The following SH2D1B variants were observed in gnomAD, a reference collection of about 807,000 sequenced individuals.
SH2D1B encodes SH2 domain-containing protein 1B.
Under a neutral mutation model 16.3 loss-of-function variants are expected in SH2D1B, and 11 were observed. The observed-to-expected ratio is 0.67, with a 90% CI of 0.42 to 1.11. SH2D1B has a LOEUF of 1.11. Among genes scored for constraint, SH2D1B ranks in the 50% most tolerant of loss-of-function variants. The pLI is 0.00. For missense variants in SH2D1B, 123 were observed against 153.1 expected, an observed-to-expected ratio of 0.80 and a Z score of 1.04; for synonymous variants, 55 against 56.1, an observed-to-expected ratio of 0.98 and a Z score of 0.09.
intron 3 of SH2D1B, among the ~76,000 whole-genome samples, 156 bp from the exon 4 acceptor site, chr1:162,397,471 G>T (rs1648406405): frequency 6.6e-6 from 1 of 152,184 alleles, no homozygotes; most frequent in Non-Finnish European, 1.5e-5. Context: ...GGGTACTACA[G>T]GGAGCCCTCC....
intron 1 of SH2D1B, among the ~76,000 whole-genome samples, chr1:162,406,784 G>A (rs1275702530): frequency 2.0e-5 from 3 of 152,134 alleles, no homozygotes; most frequent in African/African-American, 7.2e-5. Flanking sequence ...AGTAGGTTAG[G>A]GCTCAGGTCT....
rs551827119 is a variant in SH2D1B at position 162,396,163 on chromosome 1, C to A, written c.*1117G>T. The A allele has an allele frequency of 6.6e-6, 1 of 152,262 alleles. No homozygotes were observed. The highest frequency in any genetic ancestry group is 2.4e-5 in the African/African-American group (1 of 41,558). 9.4% of individuals were successfully genotyped at this position (152,262 alleles called of 1,614,324 possible). On this transcript the variant is annotated 3_prime_UTR_variant, in exon 4 of 4. Coordinates refer to ENST00000367929, the MANE Select transcript of SH2D1B (RefSeq NM_053282.5). ...TCATCTGTTCATATTACCTCTAAGT[C>A]GAGAGCTCCTCTCTTTTAAAACTCT...
chr1:162,406,463 T>G (rs758411381), intron 1 of SH2D1B, among the ~76,000 whole-genome samples: 3 of 152,176 alleles, frequency 2.0e-5, no homozygotes, highest in African/African-American at 7.2e-5. Context: ...TCATGTATAA[T>G]GAACCATTTA....
rs1046590726 is a variant in SH2D1B at position 162,410,660 on chromosome 1, T to A, written c.134+1223A>T. On this transcript the variant is annotated intron_variant, in intron 1 of 3. Coordinates refer to ENST00000367929, the MANE Select transcript of SH2D1B (RefSeq NM_053282.5). ...CTGGAATTTGTTTTTCTTTTTCTTT[T>A]TTTTTTTTTTTTTGAGATGGAGTTT... 1.3e-4 allele frequency among the ~76,000 whole-genome samples: 20 copies of A among 149,768 alleles called. No homozygotes were observed. In the South Asian group the frequency reaches 2.5e-3, roughly 19 times the overall value.
chr1:162,412,128 T>G lies in SH2D1B; in HGVS notation c.-112A>C. The G allele has an allele frequency of 7.2e-7, 1 of 1,385,692 alleles. No homozygotes were observed. Among genetic ancestry groups the G allele is most frequent in the Non-Finnish European group, 1.0e-6 (1 of 1,000,358 alleles). The allele number at this position is 1,385,692 out of a possible 1,614,324, so 85.8% of individuals were successfully genotyped here. On this transcript the variant is annotated 5_prime_UTR_variant, in exon 1 of 4. Transcript: ENST00000367929. Reference sequence around the variant, plus strand: ...CAGCTGTACCTCCTGTGGAGCTACCTCTTCCTCTAGCGGTCTGTGGGACTC... The same window carrying G: ...CAGCTGTACCTCCTGTGGAGCTACCGCTTCCTCTAGCGGTCTGTGGGACTC...
chr1:162,402,674 CAT>C, intron 2 of SH2D1B, 63 bp downstream of exon 2: 1 of 1,353,858 alleles, frequency 7.4e-7, no homozygotes, highest in Admixed American at 1.7e-5. Flanking sequence ...AGGTAAAAGA[CAT>C]GTTCCCAGGT....
rs1648393904 is a variant in SH2D1B, at chr1:162,396,966, C to T, written c.*314G>A. 3 of 336,808 alleles carry T rather than the reference C, an allele frequency of 8.9e-6. No individual in the cohort carries two copies. Among genetic ancestry groups the T allele is most frequent in the Admixed American group, 4.1e-5 (1 of 24,256 alleles). The allele number at this position is 336,808 out of a possible 1,614,324, so 20.9% of individuals were successfully genotyped here. On this transcript the variant is annotated 3_prime_UTR_variant, in exon 4 of 4. Coordinates refer to ENST00000367929, the MANE Select transcript of SH2D1B (RefSeq NM_053282.5). The stretch of plus-strand genomic sequence containing the variant: ...AAAGCTGCCCCTCTGACTGCATGGT[C>T]CAAAGGAGGGTGTCAACCATGATGT...
intron 3 of SH2D1B, 30 bp downstream of exon 3, chr1:162,398,893 G>C (rs1404573927): frequency 6.3e-7 from 1 of 1,596,638 alleles, no homozygotes; most frequent in Non-Finnish European, 8.6e-7. Flanking sequence ...GATTAAGATT[G>C]CTTTCTGACC....
intron 1 of SH2D1B, among the ~76,000 whole-genome samples, chr1:162,408,900 G>A (rs561077817): frequency 6.6e-5 from 10 of 152,108 alleles, no homozygotes; most frequent in African/African-American, 2.2e-4. Context: ...TGGAGCCCAG[G>A]AGCTCGAAAT....
At chr1:162,402,477 C>T (rs183607256) in intron 2 of SH2D1B, 15 of 270,766 alleles carry the variant, frequency 5.5e-5, no homozygotes, top group Middle Eastern at 9.8e-4. Context: ...GAGATCGCAC[C>T]ACTGCACTCC....
intron 2 of SH2D1B, among the ~76,000 whole-genome samples, chr1:162,400,062 T>C (rs563326214): frequency 1.1e-3 from 161 of 152,352 alleles, no homozygotes; most frequent in African/African-American, 3.8e-3. Context: ...ATTTATCCAG[T>C]CTATCACTGA....
chr1:162,402,372 G>T (rs12093736), intron 2 of SH2D1B: 3,912 of 162,946 alleles, frequency 0.024, 172 homozygotes, highest in African/African-American at 0.087. Context: ...TTAGCTGGGG[G>T]TGGTGGCGCG....
At chr1:162,409,117 AAAAAG>A (rs910070724) in intron 1 of SH2D1B, among the ~76,000 whole-genome samples, 3 of 151,758 alleles carry the variant, frequency 2.0e-5, no homozygotes, top group Admixed American at 6.5e-5. Context: ...TAAAAAAAAA[AAAAAG>A]AAAGAAAGGA....
chr1:162,403,701 T>TACACACACACAC (rs57093863), intron 1 of SH2D1B, among the ~76,000 whole-genome samples: 1 of 132,262 alleles, frequency 7.6e-6, no homozygotes, highest in African/African-American at 3.0e-5. Flanking sequence ...TGAAGAAAGT[T>TACACACACACAC]ACACACACAC....
chr1:162,410,662 T>A (rs572100367), intron 1 of SH2D1B, among the ~76,000 whole-genome samples: 1 of 150,362 alleles, frequency 6.7e-6, no homozygotes, highest in Non-Finnish European at 1.5e-5. Flanking sequence ...TTTTCTTTTT[T>A]TTTTTTTTTT....
chr1:162,402,684 G>A lies in SH2D1B; in HGVS notation c.198+55C>T, dbSNP rs1648547678. 3.4e-6 allele frequency: 5 copies of A among 1,461,620 alleles called. No individual in the cohort carries two copies. In the Admixed American group the frequency reaches 6.7e-5, roughly 20 times the overall value. The allele number at this position is 1,461,620 out of a possible 1,614,324, so 90.5% of individuals were successfully genotyped here. The stretch of plus-strand genomic sequence containing the variant: ...GGCTCAGGTAAAAGACATGTTCCCA[G>A]GTTCTTCTCCCCCAACTTTTGTGTT... On this transcript the variant is annotated intron_variant, in intron 2 of 3. Coordinates refer to ENST00000367929, the MANE Select transcript of SH2D1B (RefSeq NM_053282.5).
intron 2 of SH2D1B, chr1:162,402,529 A>G (rs561882219): frequency 2.2e-6 from 1 of 464,098 alleles, no homozygotes. Flanking sequence ...AAAAAACAAA[A>G]CAACAACAAA....
intron 1 of SH2D1B, among the ~76,000 whole-genome samples, chr1:162,405,580 T>C (rs1455528668): frequency 6.6e-6 from 1 of 152,254 alleles, no homozygotes; most frequent in Non-Finnish European, 1.5e-5. Context: ...AAGTGTTTCC[T>C]ATTTTTGCAG....
intron 2 of SH2D1B, among the ~76,000 whole-genome samples, chr1:162,400,384 C>T (rs545049007): frequency 3.3e-5 from 5 of 150,270 alleles, no homozygotes; most frequent in East Asian, 3.9e-4. Context: ...TTCCGCCTCC[C>T]GGGTTCATGC....
Sources: allele counts gnomAD v4.1 joint callset (sites outside exome capture counted in the v4.1 genomes callset), GRCh38; gene constraint gnomAD v4.1.1; transcripts MANE v1.5; gene names NCBI Gene and HGNC (gene_info 2026-07-23, HGNC 2026-07-21).